Variants in DGLUCY observed in about 807,000 individuals in gnomAD.
DGLUCY encodes D-glutamate cyclase, mitochondrial.
DGLUCY carries 58 observed loss-of-function variants against 58.5 expected under a neutral mutation model. The ratio of observed to expected loss-of-function variants is 0.99; its 90% CI spans 0.80 to 1.23. The LOEUF is 1.23. Ranked by LOEUF, DGLUCY falls within the 50% of genes most tolerant of loss-of-function variation. DGLUCY has a pLI of 0.00. For missense variants in DGLUCY, 779 were observed against 784.7 expected, an observed-to-expected ratio of 0.99 and a Z score of 0.09; for synonymous variants, 325 against 314.1, an observed-to-expected ratio of 1.03 and a Z score of -0.37.
At position 91,182,898 on chromosome 14, in the gene DGLUCY, G is replaced by GTTATTTTATTTTATTTTATTTTATT. The variant is rs59683770; in HGVS notation, c.934+1512_934+1536dup. 7.1e-3 allele frequency among the ~76,000 whole-genome samples: 1,055 copies of GTTATTTTATTTTATTTTATTTTATT among 149,558 alleles called. 6 individuals are homozygous for GTTATTTTATTTTATTTTATTTTATT. The highest frequency in any genetic ancestry group is 9.8e-3 in the Non-Finnish European group (657 of 67,030). On this transcript the variant is annotated intron_variant, in intron 8 of 13. Transcript: ENST00000256324. ...CTAGGGGACCTGCTGATTCCAATTAGTTATTTTATTTTATTTTATTTTATT... is the reference window on the plus strand; with the variant it reads ...CTAGGGGACCTGCTGATTCCAATTAGTTATTTTATTTTATTTTATTTTATTTTATTTTATTTTATTTTATTTTATT...
At chr14:91,068,624 G>C (rs1463797744) in intron 1 of DGLUCY, among the ~76,000 whole-genome samples, 1 of 152,086 alleles carries the variant, frequency 6.6e-6, no homozygotes, top group African/African-American at 2.4e-5. Context: ...AGCTGAGATC[G>C]TGCCATTGCA....
upstream of DGLUCY, among the ~76,000 whole-genome samples, chr14:91,104,067 T>TTTTTTTTTC (rs1301874036): frequency 7.7e-6 from 1 of 129,450 alleles, no homozygotes; most frequent in Non-Finnish European, 1.6e-5. Context: ...CATTCTTTTT[T>TTTTTTTTTC]TTTTTTTTTT....
rs1885405839 is a variant in DGLUCY at position 91,209,951 on chromosome 14, G to A, written c.1564+5126G>A. 2.6e-5 allele frequency among the ~76,000 whole-genome samples: 4 copies of A among 152,232 alleles called. No homozygotes were observed. In the South Asian group the frequency reaches 8.3e-4, roughly 32 times the overall value. ...CAGGGAAAGTTATCAGGATAAAGAG[G>A]GGGATTACATAATGATAAAGGGGCC... On this transcript the variant is annotated intron_variant, in intron 12 of 13. Coordinates refer to ENST00000256324, the MANE Select transcript of DGLUCY (RefSeq NM_001102368.3).
At chr14:91,166,610 A>G (rs1225916863) in intron 3 of DGLUCY, among the ~76,000 whole-genome samples, 1 of 151,990 alleles carries the variant, frequency 6.6e-6, no homozygotes, top group East Asian at 1.9e-4. Context: ...GGTTGCAGTG[A>G]GCCAAGATCA....
At chr14:91,109,956 A>T (rs907934057), upstream of DGLUCY, among the ~76,000 whole-genome samples, 16 of 152,230 alleles carry the variant, frequency 1.1e-4, no homozygotes, top group Non-Finnish European at 2.2e-4. Context: ...CTGTTGGCTC[A>T]CTGAATCCCT....
chr14:91,192,915 GAC>G (rs2049986064), intron 9 of DGLUCY, among the ~76,000 whole-genome samples: 1 of 152,188 alleles, frequency 6.6e-6, no homozygotes, highest in Non-Finnish European at 1.5e-5. Flanking sequence ...GCGTCTATTA[GAC>G]ACACAGTGGA....
intron 7 of DGLUCY, among the ~76,000 whole-genome samples, chr14:91,177,036 T>C (rs2048898684): frequency 6.6e-6 from 1 of 152,106 alleles, no homozygotes; most frequent in Non-Finnish European, 1.5e-5. Flanking sequence ...TCTCACTCTA[T>C]TGCCAAGGCT....
intron 1 of DGLUCY, among the ~76,000 whole-genome samples, chr14:91,141,834 A>G (rs2046703351): frequency 6.7e-6 from 1 of 148,532 alleles, no homozygotes; most frequent in Admixed American, 6.7e-5. Flanking sequence ...TACAGGCGTG[A>G]GTCACTGCGC....
At chr14:91,198,556 A>C (rs1270575844) in intron 10 of DGLUCY, among the ~76,000 whole-genome samples, 2 of 152,228 alleles carry the variant, frequency 1.3e-5, no homozygotes, top group Admixed American at 6.5e-5. Flanking sequence ...CATGTTGCCC[A>C]GGCTGGTCTC....
In DGLUCY at chr14:91,160,266, A is replaced by G. The variant is rs756415675; in HGVS notation, c.-29A>G. 6 of 1,564,604 alleles carry G rather than the reference A, an allele frequency of 3.8e-6. No individual in the cohort carries two copies. The highest frequency in any genetic ancestry group is 1.1e-5 in the South Asian group (1 of 90,050). ...TGTTCCCTTTCCTTCCCTCACCCAG[A>G]TTCTCTGCTACTTATTCAAGTTGAC... On this transcript the variant is annotated splice_region_variant and 5_prime_UTR_variant, in exon 3 of 14. Coordinates refer to ENST00000256324, the MANE Select transcript of DGLUCY (RefSeq NM_001102368.3).
intron 1 of DGLUCY, chr14:91,114,522 A>G (rs2044790973): frequency 6.6e-6 from 1 of 152,228 alleles, no homozygotes; most frequent in African/African-American, 2.4e-5. Flanking sequence ...AGGACAGAAC[A>G]TATCAGGTAT....
chr14:91,134,109 C>T (rs1191412130), intron 1 of DGLUCY, among the ~76,000 whole-genome samples: 1 of 152,156 alleles, frequency 6.6e-6, no homozygotes, highest in Non-Finnish European at 1.5e-5. Context: ...CTGTCTGTTG[C>T]TCTTGTTTAA....
chr14:91,197,027 C>T (rs1017748667), intron 10 of DGLUCY, among the ~76,000 whole-genome samples: 76 of 152,070 alleles, frequency 5.0e-4, no homozygotes, highest in Non-Finnish European at 7.1e-4. Context: ...GGTGCAGTGG[C>T]GCGATCTCTG....
chr14:91,079,439 C>G (rs969561164), intron 1 of DGLUCY, among the ~76,000 whole-genome samples: 1 of 151,722 alleles, frequency 6.6e-6, no homozygotes, highest in South Asian at 2.1e-4. Context: ...CTGCAACCTC[C>G]GCCTCCCAGG....
At chr14:91,205,521 G>T (rs1884418650) in intron 12 of DGLUCY, among the ~76,000 whole-genome samples, 2 of 152,168 alleles carry the variant, frequency 1.3e-5, no homozygotes, top group Non-Finnish European at 2.9e-5. Context: ...GTGGGAACCA[G>T]TGCTAGGGTG....
intron 1 of DGLUCY, among the ~76,000 whole-genome samples, chr14:91,099,828 T>C (rs949542656): frequency 2.0e-5 from 3 of 152,166 alleles, no homozygotes; most frequent in Non-Finnish European, 4.4e-5. Flanking sequence ...GGCAAGTTGC[T>C]ACCCCTCCCT....
In DGLUCY at chr14:91,174,871, C is replaced by G. The variant is rs74568324; in HGVS notation, c.608-1063C>G. Among the ~76,000 whole-genome samples, 493 of 152,278 alleles carry G rather than the reference C, an allele frequency of 3.2e-3. 2 individuals carry two copies. The highest frequency in any genetic ancestry group is 0.014 in the Middle Eastern group (4 of 294). On this transcript the variant is annotated intron_variant, in intron 6 of 13. Coordinates refer to ENST00000256324, the MANE Select transcript of DGLUCY (RefSeq NM_001102368.3). Reference sequence around the variant, plus strand: ...TGGAATGGAATTGGAGGGCACCCAGCTGGTGCCTCCTGCTTGATGGTGGGG... The same window carrying G: ...TGGAATGGAATTGGAGGGCACCCAGGTGGTGCCTCCTGCTTGATGGTGGGG...
intron 3 of DGLUCY, 106 bp from the exon 4 acceptor site, chr14:91,167,119 A>T: frequency 7.2e-7 from 1 of 1,386,538 alleles, no homozygotes; most frequent in Non-Finnish European, 9.7e-7. Context: ...AGCATGGGCT[A>T]CAAGAGCGAA....
intron 1 of DGLUCY, among the ~76,000 whole-genome samples, chr14:91,146,399 A>G (rs905710067): frequency 5.9e-5 from 9 of 152,180 alleles, no homozygotes; most frequent in African/African-American, 1.9e-4. Flanking sequence ...TGTTCCTGAG[A>G]AAGCTTAGGA....
Sources: allele counts gnomAD v4.1 joint callset (sites outside exome capture counted in the v4.1 genomes callset), GRCh38; gene constraint gnomAD v4.1.1; transcripts MANE v1.5; gene names NCBI Gene and HGNC (gene_info 2026-07-23, HGNC 2026-07-21).